TPT1: variants seen among roughly 807,000 people sequenced by gnomAD.
The protein encoded by TPT1 is translationally-controlled tumor protein.
TPT1 carries 5 observed loss-of-function variants against 22.8 expected under a neutral mutation model. The ratio of observed to expected loss-of-function variants is 0.22; its 90% CI spans 0.11 to 0.46. The LOEUF is 0.46. TPT1 is among the 20% of genes least tolerant of loss of function. The probability of loss-of-function intolerance (pLI) is 0.99; values close to 1 mark genes in which losing one functional copy is unlikely to be tolerated. For synonymous variants in TPT1, 89 were observed against 73.6 expected (o/e 1.21, Z -1.07); for missense variants, 130 against 218.7 (o/e 0.59, Z 2.56).
intron 3 of TPT1, 128 bp downstream of exon 3, chr13:45,339,866 G>C: frequency 9.5e-7 from 1 of 1,055,064 alleles, no homozygotes; most frequent in Non-Finnish European, 1.4e-6. Flanking sequence ...TCTTTTCCGT[G>C]AACTCATTAA....
intron 3 of TPT1, 141 bp downstream of exon 3, chr13:45,339,853 C>G: frequency 1.0e-6 from 1 of 956,096 alleles, no homozygotes; most frequent in Non-Finnish European, 1.5e-6. Context: ...GAAAAGCAAC[C>G]ACTCTTTTCC....
chr13:45,341,146 G>A lies in TPT1; in HGVS notation c.-77C>T, dbSNP rs534188240. 1.0e-5 allele frequency: 16 copies of A among 1,585,202 alleles called. No individual in the cohort carries two copies. The highest frequency in any genetic ancestry group is 1.4e-5 in the Non-Finnish European group (16 of 1,166,018). ...ACTCGGAGCGAGCGCGGTGCAGCCG[G>A]AGCGGCGCTCGGGGGGAGGGGGGAG... On this transcript the variant is annotated 5_prime_UTR_variant, in exon 1 of 6. Transcript: ENST00000530705.
At chr13:45,338,618 CTT>C in intron 5 of TPT1, 40 bp downstream of exon 5, 1 of 1,599,566 alleles carries the variant, frequency 6.3e-7, no homozygotes, top group Non-Finnish European at 8.5e-7. Context: ...TCTAAAATGT[CTT>C]TTTTACATTA....
rs1227679702 is a variant in TPT1 at position 45,333,493 on chromosome 13, G to A, written c.*3893C>T. ...TTGTTATCAGTGTTCTCTCAAGTTG[G>A]TTGAGATTTATTGCTCGTCTTGCAA... On this transcript the variant is annotated 3_prime_UTR_variant, in exon 6 of 6. Coordinates refer to ENST00000530705, the MANE Select transcript of TPT1 (RefSeq NM_003295.4). 2.6e-5 allele frequency: 4 copies of A among 152,160 alleles called. No individual in the cohort carries two copies. Among genetic ancestry groups the A allele is most frequent in the Admixed American group, 6.5e-5 (1 of 15,272 alleles). 9.4% of individuals were successfully genotyped at this position (152,160 alleles called of 1,614,324 possible). A position where few individuals can be genotyped will look rare whatever the true frequency, so the allele number is the denominator to read the frequency against.
intron 5 of TPT1, chr13:45,338,402 A>T (rs559628175): frequency 1.8e-6 from 1 of 562,174 alleles, no homozygotes; most frequent in African/African-American, 2.0e-5. Flanking sequence ...TACAGGTGTG[A>T]GCCACCACAC....
rs1253963336 is a variant in TPT1, at chr13:45,335,189, GAC to G, written c.*2195_*2196del. 6.6e-6 allele frequency: 1 copy of G among 152,154 alleles called. No individual in the cohort carries two copies. Among genetic ancestry groups the G allele is most frequent in the African/African-American group, 2.4e-5 (1 of 41,422 alleles). 9.4% of individuals were successfully genotyped at this position (152,154 alleles called of 1,614,324 possible). A position where few individuals can be genotyped will look rare whatever the true frequency, so the allele number is the denominator to read the frequency against. Reference sequence around the variant, plus strand: ...ATAACGAGAAAAAGATATAAAATGAGACAGTCTTCAAAGTCTGAGAAGATTCT... The same window carrying G: ...ATAACGAGAAAAAGATATAAAATGAGAGTCTTCAAAGTCTGAGAAGATTCT... On this transcript the variant is annotated 3_prime_UTR_variant, in exon 6 of 6. Transcript: ENST00000530705.
chr13:45,340,590 G>A (rs1013600390), intron 2 of TPT1, 122 bp downstream of exon 2: 19 of 1,209,548 alleles, frequency 1.6e-5, no homozygotes, highest in African/African-American at 3.0e-5. Flanking sequence ...ACCCAAGCCC[G>A]GAAAGAGCGT....
chr13:45,340,612 G>A (rs751737779), intron 2 of TPT1, 100 bp downstream of exon 2: 25 of 1,342,256 alleles, frequency 1.9e-5, no homozygotes, highest in Non-Finnish European at 1.6e-5. Context: ...TCCTCCGCCA[G>A]GAGGCGGCGG....
chr13:45,337,090 G>A lies in TPT1; in HGVS notation c.*296C>T. On this transcript the variant is annotated 3_prime_UTR_variant, in exon 6 of 6. Coordinates refer to ENST00000530705, the MANE Select transcript of TPT1 (RefSeq NM_003295.4). ...TGTAGAAGTTAATTGATGAGTAGTA[G>A]CCTACAATCAGGCTCTAGCTTCTCC... is the stretch of plus-strand genomic sequence containing the variant. 1 of 452,702 alleles carries A rather than the reference G, an allele frequency of 2.2e-6. No individual in the cohort carries two copies. Among genetic ancestry groups the A allele is most frequent in the South Asian group, 2.4e-5 (1 of 40,908 alleles). 28.0% of individuals were successfully genotyped at this position (452,702 alleles called of 1,614,324 possible).
intron 5 of TPT1, 40 bp downstream of exon 5, chr13:45,338,620 T>G (rs1266928117): frequency 1.2e-6 from 2 of 1,600,290 alleles, no homozygotes; most frequent in Non-Finnish European, 1.7e-6. Context: ...TAAAATGTCT[T>G]TTTTACATTA....
rs1254805262 is a variant in TPT1, at chr13:45,340,524, C to G, written c.102+188G>C. On this transcript the variant is annotated intron_variant, in intron 2 of 5. Transcript: ENST00000530705. ...CGGACAACCCCGGGAGGAGGATGGG[C>G]GCCGAGGCGGCGGGCCTATTTCCAG... 5 of 801,688 alleles carry G rather than the reference C, an allele frequency of 6.2e-6. No homozygotes were observed. The East Asian group carries it at 1.1e-4, about 17-fold the overall frequency. The allele number at this position is 801,688 out of a possible 1,614,324, so 49.7% of individuals were successfully genotyped here. A position where few individuals can be genotyped will look rare whatever the true frequency, so the allele number is the denominator to read the frequency against.
rs11552484 is a variant in TPT1 at position 45,340,101 on chromosome 13, G to C, written c.186C>G (p.Thr62=). The C allele has an allele frequency of 6.2e-7, 1 of 1,614,084 alleles. No individual in the cohort carries two copies. Residue 62 remains threonine, a synonymous_variant, in exon 3 of 6, where the codon ACC becomes ACG. Coordinates refer to ENST00000530705, the MANE Select transcript of TPT1 (RefSeq NM_003295.4). ...CGACACCAGTGATTACTGTGCTTTC[G>C]GTACCTTCGCCCTCGGGGCCTTCAG... ...ASAEGPEGEG[T]ESTVITGVDI...
chr13:45,340,840 CA>C, intron 1 of TPT1, 55 bp from the exon 2 acceptor site: 1 of 1,489,044 alleles, frequency 6.7e-7, no homozygotes, highest in Non-Finnish European at 8.9e-7. Context: ...CCATTTCCCG[CA>C]TTTCCCGCGC....
At chr13:45,337,683 C>T (rs1334588455) in intron 5 of TPT1, 1 of 873,286 alleles carries the variant, frequency 1.1e-6, no homozygotes, top group African/African-American at 1.7e-5. Context: ...CCTGCTCTAC[C>T]AACAAAAACC....
In TPT1 at chr13:45,336,117, G is replaced by C. The variant is rs906691949; in HGVS notation, c.*1269C>G. Reference sequence around the variant, plus strand: ...GAGCCCAGGAGTTGAGACCACCCTGGGCAACTAAGCGATACTCGGTCTCTA... The same window carrying C: ...GAGCCCAGGAGTTGAGACCACCCTGCGCAACTAAGCGATACTCGGTCTCTA... On this transcript the variant is annotated 3_prime_UTR_variant, in exon 6 of 6. Coordinates refer to ENST00000530705, the MANE Select transcript of TPT1 (RefSeq NM_003295.4). 1 of 152,158 alleles carries C rather than the reference G, an allele frequency of 6.6e-6. No homozygotes were observed. The highest frequency in any genetic ancestry group is 2.4e-5 in the African/African-American group (1 of 41,416). The allele number at this position is 152,158 out of a possible 1,614,324, so 9.4% of individuals were successfully genotyped here.
chr13:45,340,073 T>C lies in TPT1; in HGVS notation c.214A>G (p.Ile72Val). ...TESTVITGVD[I>V]VMNHHLQETS... Reference sequence around the variant, plus strand: ...TCCTGCAGGTGATGGTTCATGACAATATCGACACCAGTGATTACTGTGCTT... The same window carrying C: ...TCCTGCAGGTGATGGTTCATGACAACATCGACACCAGTGATTACTGTGCTT... Residue 72 changes from isoleucine to valine, a missense_variant, in exon 3 of 6, where the codon ATT becomes GTT. Ile to Val is a conservative substitution (Grantham distance 29, BLOSUM62 3). Transcript: ENST00000530705. 1 of 1,614,198 alleles carries C rather than the reference T, an allele frequency of 6.2e-7. No homozygotes were observed. Among genetic ancestry groups the C allele is most frequent in the Non-Finnish European group, 8.5e-7 (1 of 1,180,036 alleles).
intron 2 of TPT1, 55 bp downstream of exon 2, chr13:45,340,657 G>A (rs528342950): frequency 2.2e-5 from 34 of 1,543,182 alleles, no homozygotes; most frequent in African/African-American, 6.9e-5. Context: ...GGGAGCGGAG[G>A]AAACCCGAGC....
chr13:45,340,213 A>C, intron 2 of TPT1, 29 bp from the exon 3 acceptor site: 2 of 1,595,214 alleles, frequency 1.3e-6, no homozygotes, highest in Admixed American at 3.5e-5. Context: ...GTATAATTGC[A>C]AAAGACACAA....
At position 45,340,086 on chromosome 13, in the gene TPT1, G is replaced by T. The variant is rs779126253; in HGVS notation, c.201C>A (p.Ile67=). ...GGTTCATGACAATATCGACACCAGTGATTACTGTGCTTTCGGTACCTTCGC... is the reference window on the plus strand; with the variant it reads ...GGTTCATGACAATATCGACACCAGTTATTACTGTGCTTTCGGTACCTTCGC... ...PEGEGTESTV[I]TGVDIVMNHH... The change falls in exon 3 of 6, where the codon ATC becomes ATA. Residue 67 remains isoleucine (I), a synonymous_variant. Transcript: ENST00000530705. 2 of 1,614,088 alleles carry T rather than the reference G, an allele frequency of 1.2e-6. No individual in the cohort carries two copies. The highest frequency in any genetic ancestry group is 3.3e-5 in the Admixed American group (2 of 60,000).
Sources: gnomAD v4.1 joint callset for allele counts on GRCh38, gnomAD v4.1.1 for gene constraint, MANE v1.5 for transcripts, NCBI Gene and HGNC (gene_info 2026-07-23, HGNC 2026-07-21) for gene names.